The following PCDH19 variants were observed in gnomAD, a reference collection of about 807,000 sequenced individuals.
The protein encoded by PCDH19 is protocadherin 19.
In PCDH19, 6 loss-of-function variants were observed where a neutral mutation model predicts 46.2. The ratio of observed to expected loss-of-function variants is 0.13; its 90% confidence interval spans 0.07 to 0.26. The LOEUF (loss-of-function observed/expected upper bound fraction) is 0.26, where lower values mean the gene tolerates loss of function less well. PCDH19 is among the 10% of genes least tolerant of loss of function. The pLI is 1.00. For synonymous variants in PCDH19, 481 were observed against 415.7 expected, an observed-to-expected ratio of 1.16 and a Z score of -1.91; for missense variants, 740 against 972.3, an observed-to-expected ratio of 0.76 and a Z score of 3.18.
chrX:100,333,183 G>GAGAGACAA (rs1489789460), intron 5 of PCDH19, among the ~76,000 whole-genome samples: 7 of 43,438 alleles, frequency 1.6e-4, no homozygotes, highest in African/African-American at 5.5e-4. Context: ...GGGAGAGAGA[G>GAGAGACAA]AGAAAGAAAG....
intron 5 of PCDH19, among the ~76,000 whole-genome samples, chrX:100,297,484 C>T (rs1924653185): frequency 1.8e-5 from 2 of 111,634 alleles, no homozygotes; most frequent in African/African-American, 6.5e-5. Flanking sequence ...CTTGATTTCC[C>T]ATCAGAAGGA....
At chrX:100,380,186 C>G (rs1172056972) in intron 3 of PCDH19, among the ~76,000 whole-genome samples, 1 of 111,475 alleles carries the variant, frequency 9.0e-6, no homozygotes, top group African/African-American at 3.3e-5. Context: ...ATTCAGACCA[C>G]CTTGGTGGGG....
At chrX:100,389,737 A>C (rs1927814525) in intron 3 of PCDH19, among the ~76,000 whole-genome samples, 1 of 111,452 alleles carries the variant, frequency 9.0e-6, no homozygotes. Flanking sequence ...CTGCGCTATA[A>C]ATTTAAAATA....
Position 100,408,085 on chromosome X carries a change from G to C in PCDH19, c.513C>G (p.Asn171Lys), listed in dbSNP as rs749602848. Residue 171 changes from asparagine (N) to lysine (K), a missense_variant, in exon 1 of 6, where the codon AAC becomes AAG. By Grantham distance (94) the Asn-to-Lys change is moderately conservative. This residue lies in a region of PCDH19 where 48 missense variants were observed against 43.2 expected (regional missense o/e 1.11). Transcript: ENST00000373034. ...TCTTGATCTCCAGGCCGAACAGCTC[G>C]TTGGGCGTGAGCTCGTAAGTCTGCA... ...FGVQTYELTP[N>K]ELFGLEIKTR... 6 of 1,210,092 alleles carry C rather than the reference G, an allele frequency of 5.0e-6. No individual in the cohort carries two copies. The highest frequency in any genetic ancestry group is 6.7e-6 in the Non-Finnish European group (6 of 895,626).
chrX:100,395,221 A>G (rs1426829089), intron 3 of PCDH19, among the ~76,000 whole-genome samples: 1 of 112,463 alleles, frequency 8.9e-6, no homozygotes, highest in East Asian at 2.8e-4. Flanking sequence ...AAGATATGTG[A>G]AAATCCAGAC....
chrX:100,359,777 G>A (rs1926824819), intron 3 of PCDH19, among the ~76,000 whole-genome samples: 1 of 100,202 alleles, frequency 1.0e-5, no homozygotes, highest in Admixed American at 1.2e-4. Flanking sequence ...ATACATATAT[G>A]TACACACATA....
At position 100,296,786 on chromosome X, in the gene PCDH19, G is replaced by A. The variant is rs3764758; in HGVS notation, c.2938C>T (p.Arg980Cys). ...CTCACATGCTCAGGGGACTTGGAAC[G>A]GATGGGCATGGGGTTCCGGGGCATC... ...CWMPRNPMPI[R>C]SKSPEHVRNI... Residue 980 changes from arginine (R) to cysteine (C), a missense_variant, in exon 6 of 6, where the codon CGT becomes TGT. Arg to Cys is a radical substitution (Grantham distance 180). Coordinates refer to ENST00000373034, the MANE Select transcript of PCDH19 (RefSeq NM_001184880.2). 1.3e-3 allele frequency: 1,587 copies of A among 1,209,314 alleles called. 21 individuals carry two copies. In the East Asian group the frequency reaches 0.04, roughly 30 times the overall value.
At chrX:100,328,116 TAGTC>T (rs1349842773) in intron 5 of PCDH19, among the ~76,000 whole-genome samples, 3 of 112,142 alleles carry the variant, frequency 2.7e-5, no homozygotes, top group Non-Finnish European at 5.6e-5. Flanking sequence ...ACTTATTTAA[TAGTC>T]AGTCAATTCC....
At chrX:100,404,720 A>G (rs1053315382) in intron 1 of PCDH19, among the ~76,000 whole-genome samples, 2 of 110,412 alleles carry the variant, frequency 1.8e-5, no homozygotes, top group African/African-American at 6.6e-5. Flanking sequence ...AAGAGGTGGC[A>G]AAGCCTTCAA....
intron 3 of PCDH19, among the ~76,000 whole-genome samples, chrX:100,367,336 A>G (rs948275886): frequency 8.9e-6 from 1 of 112,306 alleles, no homozygotes; most frequent in East Asian, 2.8e-4. Flanking sequence ...ATGGAGAGAC[A>G]ATTATAATGC....
At chrX:100,379,332 C>CAT (rs1927477181) in intron 3 of PCDH19, among the ~76,000 whole-genome samples, 1 of 4,573 alleles carries the variant, frequency 2.2e-4, no homozygotes, top group Non-Finnish European at 9.3e-3. Context: ...CACACACACA[C>CAT]ACACACACAC....
In PCDH19 at chrX:100,296,721, A is replaced by G. The variant is rs1924624659; in HGVS notation, c.3003T>C (p.Asp1001=). ...IALSIEATAA[D]VEAYDDCGPT... ...GGCCGCAGTCGTCATAAGCCTCGAC[A>G]TCAGCAGCAGTAGCTTCAATAGACA... Residue 1001 remains aspartate (D), a synonymous_variant, in exon 6 of 6, where the codon GAT becomes GAC. Coordinates refer to ENST00000373034, the MANE Select transcript of PCDH19 (RefSeq NM_001184880.2). The G allele has an allele frequency of 8.3e-7, 1 of 1,209,490 alleles. No individual in the cohort carries two copies. Among genetic ancestry groups the G allele is most frequent in the African/African-American group, 1.8e-5 (1 of 56,963 alleles).
At chrX:100,304,861 T>C (rs1924889925) in intron 5 of PCDH19, among the ~76,000 whole-genome samples, 1 of 111,702 alleles carries the variant, frequency 9.0e-6, no homozygotes, top group African/African-American at 3.2e-5. Context: ...ATTAACCCAA[T>C]CTGTCAAAGA....
intron 3 of PCDH19, among the ~76,000 whole-genome samples, chrX:100,357,728 T>A (rs1926758213): frequency 8.9e-6 from 1 of 112,212 alleles, no homozygotes; most frequent in Non-Finnish European, 1.9e-5. Context: ...GCACTTTGTA[T>A]ACAGACTGTA....
Position 100,408,275 on chromosome X carries a change from C to T in PCDH19, c.323G>A (p.Ser108Asn), listed in dbSNP as rs1298928467. 8.3e-7 allele frequency: 1 copy of T among 1,211,824 alleles called. No homozygotes were observed. Among genetic ancestry groups the T allele is most frequent in the East Asian group, 3.0e-5 (1 of 33,835 alleles). ...CTTTATCACGCAGATTTCCATTGAG[C>T]TGGACATGACCTCGAGCGAGATGAT... ...KCIISLEVMS[S>N]SMEICVIKVE... The change falls in exon 1 of 6, where the codon AGC (serine) becomes AAC (asparagine). Residue 108 changes from serine (S) to asparagine (N), a missense_variant. Physicochemically the swap from Ser to Asn is conservative, Grantham distance 46. Coordinates refer to ENST00000373034, the MANE Select transcript of PCDH19 (RefSeq NM_001184880.2).
At chrX:100,404,795 GAGA>G (rs1331832247) in intron 1 of PCDH19, among the ~76,000 whole-genome samples, 1 of 111,103 alleles carries the variant, frequency 9.0e-6, no homozygotes, top group Admixed American at 9.6e-5. Context: ...ACTTTATGCT[GAGA>G]AGATGGCTTA....
intron 1 of PCDH19, among the ~76,000 whole-genome samples, chrX:100,405,090 G>A (rs373057014): frequency 1.2e-4 from 13 of 112,265 alleles, no homozygotes; most frequent in Non-Finnish European, 2.1e-4. Context: ...CTTGTGTAAC[G>A]CAGAGAATAG....
chrX:100,345,418 A>G (rs1337925922), intron 4 of PCDH19, among the ~76,000 whole-genome samples: 1 of 111,538 alleles, frequency 9.0e-6, no homozygotes, highest in African/African-American at 3.3e-5. Flanking sequence ...CCTTCCTTTA[A>G]TGAATAATTA....
chrX:100,390,110 G>A (rs144032400), intron 3 of PCDH19, among the ~76,000 whole-genome samples: 253 of 111,206 alleles, frequency 2.3e-3, no homozygotes, highest in African/African-American at 7.9e-3. Flanking sequence ...CTTCTATCTT[G>A]TCTCCTCAGT....
Sources: gnomAD v4.1 joint callset for allele counts (sites outside exome capture counted in the v4.1 genomes callset) on GRCh38, gnomAD v4.1.1 for gene constraint, gnomAD v4.1.1 regional missense constraint, MANE v1.5 for transcripts, NCBI Gene and HGNC (gene_info 2026-07-23, HGNC 2026-07-21) for gene names.